Variants in PASD1 observed in about 807,000 individuals in gnomAD.
PASD1 encodes the protein circadian clock protein PASD1.
A neutral mutation model predicts 58.8 loss-of-function variants in PASD1; 13 were observed. The ratio of observed to expected loss-of-function variants is 0.22; its 90% CI spans 0.14 to 0.35. The LOEUF is 0.35. Ranked by LOEUF, PASD1 falls within the 10% of genes least tolerant of loss-of-function variation. The pLI is 1.00. For missense variants in PASD1, 734 were observed against 568.3 expected (o/e 1.29, Z -2.96); for synonymous variants, 236 against 216.7 (o/e 1.09, Z -0.78).
chrX:151,602,697 A>AAAT (rs753023498), intron 2 of PASD1, among the ~76,000 whole-genome samples: 14 of 103,012 alleles, frequency 1.4e-4, no homozygotes, highest in East Asian at 9.0e-4. Context: ...CTCCATCTCA[A>AAAT]AATAATAATA....
At chrX:151,589,815 A>T (rs80153773) in intron 1 of PASD1, among the ~76,000 whole-genome samples, 3 of 112,060 alleles carry the variant, frequency 2.7e-5, no homozygotes, top group African/African-American at 9.8e-5. Context: ...TATAAAAAAA[A>T]TGTACTTGCT....
chrX:151,647,313 A>G (rs1450824720), intron 8 of PASD1, among the ~76,000 whole-genome samples: 2 of 111,853 alleles, frequency 1.8e-5, no homozygotes, highest in African/African-American at 6.5e-5. Context: ...TTAGACTAAC[A>G]TAGCTTATAA....
intron 1 of PASD1, among the ~76,000 whole-genome samples, chrX:151,572,299 C>T (rs2012938153): frequency 9.0e-6 from 1 of 111,207 alleles, no homozygotes. Context: ...GCAATGAAAA[C>T]ACCAGACACA....
At chrX:151,616,910 T>A (rs973895809) in intron 4 of PASD1, among the ~76,000 whole-genome samples, 1 of 111,498 alleles carries the variant, frequency 9.0e-6, no homozygotes, top group African/African-American at 3.3e-5. Flanking sequence ...TATCCTTCCC[T>A]GTGCCCTATA....
At chrX:151,634,140 G>A (rs2013900582) in intron 8 of PASD1, among the ~76,000 whole-genome samples, 1 of 110,487 alleles carries the variant, frequency 9.1e-6, no homozygotes, top group Non-Finnish European at 1.9e-5. Context: ...TTGAATATTG[G>A]CAGGAACTAT....
chrX:151,621,726 C>A, intron 6 of PASD1, 134 bp downstream of exon 6: 1 of 353,008 alleles, frequency 2.8e-6, no homozygotes, highest in Non-Finnish European at 4.8e-6. Context: ...TGACTACTCA[C>A]ATTACTTAGA....
intron 3 of PASD1, among the ~76,000 whole-genome samples, chrX:151,611,330 C>T (rs1659578888): frequency 9.0e-6 from 1 of 111,609 alleles, no homozygotes; most frequent in South Asian, 3.8e-4. Context: ...ATATTTTTAA[C>T]ATTTTTGAAA....
At chrX:151,667,037 C>G (rs1366797948) in intron 11 of PASD1, among the ~76,000 whole-genome samples, 2 of 111,410 alleles carry the variant, frequency 1.8e-5, no homozygotes, top group Admixed American at 1.9e-4. Context: ...CACATCCTCT[C>G]TAGCATTTGT....
intron 11 of PASD1, among the ~76,000 whole-genome samples, chrX:151,668,915 G>GA (rs1350543211): frequency 8.5e-5 from 1 of 11,795 alleles, no homozygotes; most frequent in Non-Finnish European, 3.1e-4. Context: ...AAAAAAAAGA[G>GA]ATTTTTTTTT....
intron 8 of PASD1, among the ~76,000 whole-genome samples, chrX:151,638,393 T>C (rs2013957556): frequency 9.4e-6 from 1 of 106,929 alleles, no homozygotes; most frequent in African/African-American, 3.4e-5. Context: ...CGTATACATA[T>C]GTAACAAACC....
At chrX:151,659,148 C>G (rs1259084320) in intron 9 of PASD1, among the ~76,000 whole-genome samples, 3 of 112,190 alleles carry the variant, frequency 2.7e-5, no homozygotes, top group Admixed American at 1.9e-4. Flanking sequence ...ATAATACTTT[C>G]AACTTTAATC....
intron 10 of PASD1, 72 bp from the exon 11 acceptor site, chrX:151,664,047 C>T (rs764175550): frequency 4.4e-5 from 52 of 1,181,464 alleles, no homozygotes; most frequent in South Asian, 1.3e-4. Flanking sequence ...AAATGACCCT[C>T]GTACAGTCTT....
At chrX:151,661,160 A>T (rs913814851) in intron 10 of PASD1, among the ~76,000 whole-genome samples, 4 of 111,717 alleles carry the variant, frequency 3.6e-5, no homozygotes, top group African/African-American at 1.3e-4. Flanking sequence ...GTCTCAAAAA[A>T]AAAAAAGAAA....
rs2014354177 is a variant in PASD1 at position 151,664,444 on chromosome X, C to T, written c.1071+96C>T. 5 of 1,126,919 alleles carry T rather than the reference C, an allele frequency of 4.4e-6. No individual in the cohort carries two copies. The South Asian group carries it at 1.0e-4, about 24-fold the overall frequency. 92.9% of individuals were successfully genotyped at this position (1,126,919 alleles called of 1,213,427 possible). A position where few individuals can be genotyped will look rare whatever the true frequency, so the allele number is the denominator to read the frequency against. ...CACTCTTGTGACCAGTTTCACTTCA[C>T]AGAAAGTATGTTTGTTACTTTTTCA... On this transcript the variant is annotated intron_variant, in intron 11 of 15. Coordinates refer to ENST00000370357, the MANE Select transcript of PASD1 (RefSeq NM_173493.3).
intron 8 of PASD1, among the ~76,000 whole-genome samples, chrX:151,646,562 C>G (rs1411615166): frequency 8.9e-6 from 1 of 112,443 alleles, no homozygotes; most frequent in Non-Finnish European, 1.9e-5. Flanking sequence ...CCACATGTGT[C>G]TAGTGACTGC....
intron 4 of PASD1, 38 bp downstream of exon 4, chrX:151,611,791 G>A (rs773271952): frequency 1.2e-5 from 13 of 1,049,897 alleles, no homozygotes; most frequent in Non-Finnish European, 1.7e-5. Context: ...GGATCATTCT[G>A]GTTTGTTGTT....
intron 9 of PASD1, among the ~76,000 whole-genome samples, chrX:151,654,204 A>G (rs1490811217): frequency 9.2e-6 from 1 of 109,038 alleles, no homozygotes; most frequent in East Asian, 2.9e-4. Flanking sequence ...TTCTGGGCTC[A>G]AGCAGTCCTC....
chrX:151,607,189 A>G (rs970738518), intron 3 of PASD1, among the ~76,000 whole-genome samples: 4 of 111,914 alleles, frequency 3.6e-5, no homozygotes, highest in Non-Finnish European at 7.5e-5. Flanking sequence ...TTTCTTTTGC[A>G]TGATTTTCAC....
chrX:151,611,796 G>A (rs1181463953), intron 4 of PASD1, 43 bp downstream of exon 4: 4 of 954,310 alleles, frequency 4.2e-6, no homozygotes, highest in Admixed American at 2.6e-5. Context: ...ATTCTGGTTT[G>A]TTGTTTAGGG....
Sources: gnomAD v4.1 joint callset for allele counts (sites outside exome capture counted in the v4.1 genomes callset) on GRCh38, gnomAD v4.1.1 for gene constraint, MANE v1.5 for transcripts, NCBI Gene and HGNC (gene_info 2026-07-23, HGNC 2026-07-21) for gene names.